CDC42BPA: variants seen among roughly 807,000 people sequenced by gnomAD.
The protein encoded by CDC42BPA is serine/threonine-protein kinase MRCK alpha.
Under a neutral mutation model 223.5 loss-of-function variants are expected in CDC42BPA, and 80 were observed. The ratio of observed to expected loss-of-function variants is 0.36; its 90% CI spans 0.30 to 0.43. CDC42BPA has a LOEUF of 0.43. Ranked by LOEUF, CDC42BPA falls within the 20% of genes least tolerant of loss-of-function variation. CDC42BPA has a pLI of 1.00. For synonymous variants in CDC42BPA, 694 were observed against 718.6 expected, an observed-to-expected ratio of 0.97 and a Z score of 0.55; for missense variants, 1,743 against 2,099.9, an observed-to-expected ratio of 0.83 and a Z score of 3.32.
chr1:227,243,534 T>C (rs1163685919), intron 2 of CDC42BPA, among the ~76,000 whole-genome samples: 1 of 152,092 alleles, frequency 6.6e-6, no homozygotes, highest in African/African-American at 2.4e-5. Flanking sequence ...AGATGAGACA[T>C]CTAAATGTGA....
At chr1:227,064,610 C>G (rs1276801639) in intron 21 of CDC42BPA, among the ~76,000 whole-genome samples, 1 of 152,046 alleles carries the variant, frequency 6.6e-6, no homozygotes, top group Non-Finnish European at 1.5e-5. Context: ...GAGAAAGAGG[C>G]TGGGGCTAAC....
intron 5 of CDC42BPA, among the ~76,000 whole-genome samples, chr1:227,170,487 T>G (rs1051549053): frequency 6.6e-6 from 1 of 151,814 alleles, no homozygotes; most frequent in African/African-American, 2.4e-5. Context: ...ATTGTTGTTG[T>G]TTTATATTAG....
intron 3 of CDC42BPA, among the ~76,000 whole-genome samples, chr1:227,202,565 C>T (rs1182079132): frequency 6.6e-6 from 1 of 152,108 alleles, no homozygotes; most frequent in African/African-American, 2.4e-5. Flanking sequence ...GTCAACAGAA[C>T]ATATTAAACT....
chr1:227,263,757 T>C (rs1157895879), intron 1 of CDC42BPA, among the ~76,000 whole-genome samples: 2 of 152,042 alleles, frequency 1.3e-5, no homozygotes, highest in Non-Finnish European at 1.5e-5. Context: ...AATTTTTGTA[T>C]TTTTAGTAGA....
intron 23 of CDC42BPA, among the ~76,000 whole-genome samples, 157 bp downstream of exon 23, chr1:227,047,770 C>T (rs1431356739): frequency 6.6e-6 from 1 of 152,070 alleles, no homozygotes; most frequent in Non-Finnish European, 1.5e-5. Context: ...CCCTACCTTT[C>T]CTATTGGTGA....
chr1:227,262,771 C>T (rs548633994), intron 1 of CDC42BPA, among the ~76,000 whole-genome samples: 16 of 152,244 alleles, frequency 1.1e-4, no homozygotes, highest in African/African-American at 3.6e-4. Flanking sequence ...AATTAAGATA[C>T]GGTGTTCTAA....
At chr1:227,251,014 C>T (rs188406167) in intron 2 of CDC42BPA, among the ~76,000 whole-genome samples, 3 of 152,258 alleles carry the variant, frequency 2.0e-5, no homozygotes, top group East Asian at 3.9e-4. Context: ...GATCACACCA[C>T]TGCACTGCAG....
At chr1:227,291,307 G>T (rs577923364) in intron 1 of CDC42BPA, among the ~76,000 whole-genome samples, 1 of 152,220 alleles carries the variant, frequency 6.6e-6, no homozygotes, top group Admixed American at 6.5e-5. Flanking sequence ...CCAGCAGTTT[G>T]GGAGGCCGAA....
intron 3 of CDC42BPA, among the ~76,000 whole-genome samples, chr1:227,205,329 T>C (rs1486089534): frequency 6.7e-6 from 1 of 148,754 alleles, no homozygotes; most frequent in East Asian, 2.0e-4. Flanking sequence ...CAGAGAGCCA[T>C]TCAGTATAAT....
intron 21 of CDC42BPA, among the ~76,000 whole-genome samples, chr1:227,066,687 T>C (rs759269319): frequency 2.0e-5 from 3 of 151,908 alleles, no homozygotes; most frequent in Admixed American, 6.6e-5. Context: ...AGCATTTAAG[T>C]GAAACTGAAC....
chr1:227,002,645 C>T (rs975294497), intron 35 of CDC42BPA, among the ~76,000 whole-genome samples: 2 of 152,222 alleles, frequency 1.3e-5, no homozygotes, highest in African/African-American at 4.8e-5. Flanking sequence ...GCTTCTGTCT[C>T]TCTGATCACT....
At chr1:227,043,768 T>A (rs1671859345) in intron 23 of CDC42BPA, among the ~76,000 whole-genome samples, 2 of 152,216 alleles carry the variant, frequency 1.3e-5, no homozygotes, top group Admixed American at 1.3e-4. Flanking sequence ...ATTTTAGGAA[T>A]CTTTCCCCTA....
At chr1:227,316,399 G>A (rs770071927) in intron 1 of CDC42BPA, among the ~76,000 whole-genome samples, 2 of 152,164 alleles carry the variant, frequency 1.3e-5, no homozygotes, top group Non-Finnish European at 2.9e-5. Flanking sequence ...ACTCTCAAGT[G>A]GAAGCTGCCC....
intron 3 of CDC42BPA, among the ~76,000 whole-genome samples, chr1:227,200,108 A>G (rs1356690815): frequency 1.5e-5 from 2 of 130,824 alleles, no homozygotes; most frequent in Non-Finnish European, 3.3e-5. Context: ...ACACATGTAT[A>G]TGTCTACAAA....
At chr1:227,283,267 G>A (rs925700012) in intron 1 of CDC42BPA, among the ~76,000 whole-genome samples, 1 of 152,092 alleles carries the variant, frequency 6.6e-6, no homozygotes, top group South Asian at 2.1e-4. Flanking sequence ...TAAATCTGTT[G>A]CTATTAAATG....
intron 32 of CDC42BPA, among the ~76,000 whole-genome samples, chr1:227,021,950 G>A (rs1667448575): frequency 6.6e-6 from 1 of 151,810 alleles, no homozygotes; most frequent in Non-Finnish European, 1.5e-5. Context: ...AACCCAGGAG[G>A]CAGAGGTTGC....
At position 227,099,380 on chromosome 1, in the gene CDC42BPA, C is replaced by T. The variant is rs756728402; in HGVS notation, c.2249+1612G>A. On this transcript the variant is annotated intron_variant, in intron 15 of 36. Transcript: ENST00000366766. ...TGAAGACCTTCTAGTTGTGACTCAC[C>T]GAGAGCAACTTCCAGTCCTGTAAGC... Among the ~76,000 whole-genome samples the T allele has an allele frequency of 9.9e-5, 15 of 151,828 alleles. No individual in the cohort carries two copies. In the South Asian group the frequency reaches 1.5e-3, roughly 15 times the overall value.
chr1:227,312,718 A>G (rs756964396), intron 1 of CDC42BPA, among the ~76,000 whole-genome samples: 6 of 152,118 alleles, frequency 3.9e-5, no homozygotes, highest in Non-Finnish European at 7.4e-5. Context: ...CCCAAATCTC[A>G]TGTCAAACTG....
At position 227,171,758 on chromosome 1, in the gene CDC42BPA, G is replaced by A. The variant is rs939424864; in HGVS notation, c.600-11122C>T. ...CCCCATAAGACCAAAATGCGGATAC[G>A]ACATTAGTTAATCTATATAGTTTCA... On this transcript the variant is annotated intron_variant, in intron 5 of 36. Transcript: ENST00000366766. Among the ~76,000 whole-genome samples the A allele has an allele frequency of 5.3e-5, 8 of 151,958 alleles. No individual in the cohort carries two copies. The South Asian group carries it at 8.3e-4, about 16-fold the overall frequency.
Sources: gnomAD v4.1 joint callset for allele counts (sites outside exome capture counted in the v4.1 genomes callset) on GRCh38, gnomAD v4.1.1 for gene constraint, MANE v1.5 for transcripts, NCBI Gene and HGNC (gene_info 2026-07-23, HGNC 2026-07-21) for gene names.